Variants in BBS12 observed in about 807,000 individuals in gnomAD.
The protein encoded by BBS12 is Bardet-Biedl syndrome 12, also known as chaperonin-containing T-complex member BBS12.
Under a neutral mutation model 5.6 loss-of-function variants are expected in BBS12, and 5 were observed. That is an observed-to-expected ratio of 0.89 (90% confidence interval 0.46 to 1.86). BBS12 has a LOEUF of 1.86. BBS12 is among the 40% of genes most tolerant of loss of function. The pLI is 0.01. For synonymous variants in BBS12, 308 were observed against 306.8 expected, an observed-to-expected ratio of 1.00 and a Z score of -0.04; for missense variants, 748 against 830.4, an observed-to-expected ratio of 0.90 and a Z score of 1.22.
the BBS12 span, among the ~76,000 whole-genome samples, chr4:122,722,846 T>C: frequency 6.6e-6 from 1 of 152,194 alleles, no homozygotes; most frequent in Non-Finnish European, 1.5e-5. Flanking sequence ...TTTTTCCTTT[T>C]CTTACTTTAT....
At chr4:122,714,818 G>T in the BBS12 span, among the ~76,000 whole-genome samples, 1 of 151,912 alleles carries the variant, frequency 6.6e-6, no homozygotes, top group Non-Finnish European at 1.5e-5. Context: ...ATGCTATCGT[G>T]TAAAATTTAA....
the BBS12 span, among the ~76,000 whole-genome samples, chr4:122,703,742 C>CA: frequency 6.6e-6 from 1 of 152,178 alleles, no homozygotes; most frequent in Admixed American, 6.5e-5. Flanking sequence ...AATAGGGATG[C>CA]AGCAACCACT....
At chr4:122,740,116 T>A (rs1283276464) in intron 1 of BBS12, among the ~76,000 whole-genome samples, 2 of 148,048 alleles carry the variant, frequency 1.4e-5, no homozygotes, top group Non-Finnish European at 3.0e-5. Context: ...ACAAAAAAAA[T>A]AGAAAAATTA....
the BBS12 span, among the ~76,000 whole-genome samples, chr4:122,702,644 G>A: frequency 2.6e-5 from 4 of 152,210 alleles, no homozygotes; most frequent in Non-Finnish European, 5.9e-5. Flanking sequence ...GCAAAGGAGA[G>A]CCAGTGCCTA....
chr4:122,705,485 C>A, the BBS12 span, among the ~76,000 whole-genome samples: 1 of 152,182 alleles, frequency 6.6e-6, no homozygotes, highest in Non-Finnish European at 1.5e-5. Flanking sequence ...CTGATAAAAT[C>A]ATTTATCTAG....
At chr4:122,716,592 T>G in the BBS12 span, among the ~76,000 whole-genome samples, 1 of 135,008 alleles carries the variant, frequency 7.4e-6, no homozygotes, top group African/African-American at 2.9e-5. Flanking sequence ...TATACACATA[T>G]GTATGTATAC....
rs765915863 is a variant in BBS12, at chr4:122,743,781, G to T, written c.1889G>T (p.Gly630Val). 12 of 1,614,000 alleles carry T rather than the reference G, an allele frequency of 7.4e-6. No individual in the cohort carries two copies. The highest frequency in any genetic ancestry group is 1.0e-5 in the Non-Finnish European group (12 of 1,179,980). The change falls in exon 2 of 2, where the codon GGC (glycine) becomes GTC (valine). Residue 630 changes from glycine to valine, a missense_variant. By Grantham distance (109) the Gly-to-Val change is moderately radical. Transcript: ENST00000314218. ...QHHLQNATDSGSPSSYILNEY... is the reference protein window; with the variant it reads ...QHHLQNATDSVSPSSYILNEY... ...CATCTGCAAAATGCCACAGACTCTG[G>T]CTCTCCTTCATCTTACATCTTGAAT...
At chr4:122,721,412 G>A in the BBS12 span, among the ~76,000 whole-genome samples, 1 of 152,214 alleles carries the variant, frequency 6.6e-6, no homozygotes, top group East Asian at 1.9e-4. Flanking sequence ...ATTGTTACAA[G>A]TAGGAATTAA....
At chr4:122,712,676 C>T in the BBS12 span, among the ~76,000 whole-genome samples, 5 of 152,170 alleles carry the variant, frequency 3.3e-5, no homozygotes, top group Non-Finnish European at 5.9e-5. Context: ...GACTTCTGCC[C>T]TTTCACATAT....
chr4:122,742,102 C>T lies in BBS12; in HGVS notation c.210C>T (p.Leu70=). The T allele has an allele frequency of 6.2e-7, 1 of 1,614,142 alleles. No homozygotes were observed. The highest frequency in any genetic ancestry group is 8.5e-7 in the Non-Finnish European group (1 of 1,180,026). The change falls in exon 2 of 2, where the codon CTC becomes CTT. Residue 70 remains leucine, a synonymous_variant. Coordinates refer to ENST00000314218, the MANE Select transcript of BBS12 (RefSeq NM_152618.3). ...TAACCAGTGCAGTGGGACAACTTCT[C>T]AATGAAGCAGTTCAAGCACAAAACA... ...LDLTSAVGQL[L]NEAVQAQNNT...
At chr4:122,720,437 C>T in the BBS12 span, among the ~76,000 whole-genome samples, 20 of 151,938 alleles carry the variant, frequency 1.3e-4, no homozygotes, top group Non-Finnish European at 2.2e-4. Context: ...GGCAACAGAG[C>T]GAGACTCTAT....
the BBS12 span, among the ~76,000 whole-genome samples, chr4:122,709,886 C>T: frequency 1.2e-4 from 19 of 152,074 alleles, no homozygotes; most frequent in Non-Finnish European, 1.0e-4. Flanking sequence ...GAACTCCTAA[C>T]CTCAACTGAT....
At chr4:122,730,666 C>T (rs1337320344), upstream of BBS12, 1 of 152,126 alleles carries the variant, frequency 6.6e-6, no homozygotes, top group Non-Finnish European at 1.5e-5. Context: ...ATATGAAATA[C>T]ATTTAAAATG....
At chr4:122,719,532 G>C in the BBS12 span, among the ~76,000 whole-genome samples, 1 of 152,050 alleles carries the variant, frequency 6.6e-6, no homozygotes, top group African/African-American at 2.4e-5. Flanking sequence ...TGAAGTCAGC[G>C]AGACCATGAA....
chr4:122,724,865 A>G, the BBS12 span, among the ~76,000 whole-genome samples: 1 of 152,328 alleles, frequency 6.6e-6, no homozygotes, highest in Admixed American at 6.5e-5. Context: ...AAATAAATAG[A>G]TCCAAAACTT....
chr4:122,721,635 T>C, the BBS12 span, among the ~76,000 whole-genome samples: 1 of 152,226 alleles, frequency 6.6e-6, no homozygotes. Context: ...TGGTAGTTGA[T>C]GCTAGCTCTT....
At chr4:122,718,062 A>C in the BBS12 span, among the ~76,000 whole-genome samples, 1 of 152,226 alleles carries the variant, frequency 6.6e-6, no homozygotes, top group African/African-American at 2.4e-5. Context: ...CAGAATGATG[A>C]TAATAGCATC....
chr4:122,720,887 T>TA, the BBS12 span, among the ~76,000 whole-genome samples: 53,518 of 139,166 alleles, frequency 0.38, 10,184 homozygotes, highest in East Asian at 0.65. Flanking sequence ...TCACTCAGAA[T>TA]AAAAAAAAAA....
chr4:122,710,228 G>A, the BBS12 span, among the ~76,000 whole-genome samples: 1 of 151,996 alleles, frequency 6.6e-6, no homozygotes, highest in African/African-American at 2.4e-5. Flanking sequence ...CAAAGGCGAT[G>A]GTAGGTTATC....
Sources: gnomAD v4.1 joint callset for allele counts (sites outside exome capture counted in the v4.1 genomes callset) on GRCh38, gnomAD v4.1.1 for gene constraint, MANE v1.5 for transcripts, NCBI Gene and HGNC (gene_info 2026-07-23, HGNC 2026-07-21) for gene names.